The following BEND7 variants were observed in gnomAD, a reference collection of about 807,000 sequenced individuals.
BEND7 encodes the protein BEN domain containing 7, also known as BEN domain-containing protein 7.
In BEND7, 28 loss-of-function variants were observed where a neutral mutation model predicts 50.9. That is an observed-to-expected ratio of 0.55 (90% CI 0.41 to 0.75). The LOEUF (loss-of-function observed/expected upper bound fraction) is 0.75. Ranked by LOEUF, BEND7 falls within the 30% of genes least tolerant of loss-of-function variation. The pLI is 0.00. For synonymous variants in BEND7, 170 were observed against 183.9 expected, an observed-to-expected ratio of 0.92 and a Z score of 0.61; for missense variants, 477 against 491.3, an observed-to-expected ratio of 0.97 and a Z score of 0.28.
At chr10:13,492,931 C>T in intron 4 of BEND7, 55 bp from the exon 5 acceptor site, 1 of 1,562,656 alleles carries the variant, frequency 6.4e-7, no homozygotes, top group Non-Finnish European at 8.6e-7. Context: ...CTTAGGAAAA[C>T]TTATCTCCGG....
In BEND7 at chr10:13,528,567, G is replaced by A; in HGVS notation, c.-34C>T. 1 of 682,110 alleles carries A rather than the reference G, an allele frequency of 1.5e-6. No homozygotes were observed. The highest frequency in any genetic ancestry group is 1.7e-6 in the Non-Finnish European group (1 of 601,432). 42.3% of individuals were successfully genotyped at this position (682,110 alleles called of 1,614,324 possible). On this transcript the variant is annotated 5_prime_UTR_variant, in exon 1 of 9. Coordinates refer to ENST00000466271, the MANE Select transcript of BEND7 (RefSeq NM_001369863.1). ...GAAGGCGGCGGCGGGGGCTGAGGAG[G>A]CGGCGGCAGCGGCGGCAGCGGCAGC...
At chr10:13,454,040 C>A (rs1838375293) in intron 6 of BEND7, among the ~76,000 whole-genome samples, 1 of 152,166 alleles carries the variant, frequency 6.6e-6, no homozygotes, top group African/African-American at 2.4e-5. Flanking sequence ...TTTCAAGGAG[C>A]CCAGAGAGCA....
chr10:13,475,425 A>AT (rs2075349711), intron 6 of BEND7, among the ~76,000 whole-genome samples: 1 of 152,222 alleles, frequency 6.6e-6, no homozygotes, highest in Admixed American at 6.5e-5. Flanking sequence ...AACACAAGCT[A>AT]TATCAAGTGT....
intron 6 of BEND7, among the ~76,000 whole-genome samples, chr10:13,464,014 T>G (rs1162654501): frequency 3.3e-5 from 5 of 152,234 alleles, no homozygotes; most frequent in Non-Finnish European, 5.9e-5. Flanking sequence ...AAAATTAAAA[T>G]CTGGTAACAA....
chr10:13,485,155 T>C (rs1376376063), intron 5 of BEND7, among the ~76,000 whole-genome samples: 1 of 152,100 alleles, frequency 6.6e-6, no homozygotes, highest in Non-Finnish European at 1.5e-5. Context: ...CTCCCCTGTA[T>C]AATCGAAAGA....
intron 2 of BEND7, among the ~76,000 whole-genome samples, chr10:13,521,284 C>G (rs2079062185): frequency 6.6e-6 from 1 of 152,158 alleles, no homozygotes; most frequent in African/African-American, 2.4e-5. Context: ...TGGCTTGCAT[C>G]CTGGCTCTGG....
At chr10:13,455,614 T>C (rs1243903563) in intron 6 of BEND7, among the ~76,000 whole-genome samples, 1 of 151,566 alleles carries the variant, frequency 6.6e-6, no homozygotes, top group Non-Finnish European at 1.5e-5. Context: ...GAGAACAGGA[T>C]ACAGGGAGAA....
At chr10:13,447,536 C>CTT (rs11346528) in intron 7 of BEND7, among the ~76,000 whole-genome samples, 2,609 of 86,190 alleles carry the variant, frequency 0.03, 5 homozygotes, top group Middle Eastern at 0.04. Flanking sequence ...CGTATTAAAA[C>CTT]TTTTTTTTTT....
intron 6 of BEND7, among the ~76,000 whole-genome samples, chr10:13,465,675 C>G (rs1262812433): frequency 1.3e-5 from 2 of 152,120 alleles, no homozygotes; most frequent in African/African-American, 4.8e-5. Context: ...ATTATTTTAA[C>G]TGGAGACTTT....
rs150747868 is a variant in BEND7 at position 13,503,495 on chromosome 10, C to T, written c.146-3415G>A. 3.1e-3 allele frequency among the ~76,000 whole-genome samples: 466 copies of T among 152,232 alleles called. 5 individuals carry two copies. Among genetic ancestry groups the T allele is most frequent in the Middle Eastern group, 0.01 (3 of 294 alleles). Reference sequence around the variant, plus strand: ...TGGGAGGCTGACGTGGGTGGATCACCCGAGATCTGGAATTTGAGACCAGCC... The same window carrying T: ...TGGGAGGCTGACGTGGGTGGATCACTCGAGATCTGGAATTTGAGACCAGCC... On this transcript the variant is annotated intron_variant, in intron 2 of 8. Transcript: ENST00000466271.
At chr10:13,462,935 T>C (rs2073857170) in intron 6 of BEND7, among the ~76,000 whole-genome samples, 1 of 152,170 alleles carries the variant, frequency 6.6e-6, no homozygotes, top group African/African-American at 2.4e-5. Flanking sequence ...GAACAACAGG[T>C]TGATCAGACT....
intron 5 of BEND7, among the ~76,000 whole-genome samples, chr10:13,481,768 A>G (rs181051469): frequency 6.6e-6 from 1 of 152,346 alleles, no homozygotes; most frequent in East Asian, 1.9e-4. Flanking sequence ...TTTGGAAGGA[A>G]AATGTGAAAC....
rs914000263 is a variant in BEND7, at chr10:13,499,614, G to C, written c.448+164C>G. 57 of 797,164 alleles carry C rather than the reference G, an allele frequency of 7.2e-5. No homozygotes were observed. In the African/African-American group the frequency reaches 7.3e-4, roughly 10 times the overall value. 49.4% of individuals were successfully genotyped at this position (797,164 alleles called of 1,614,324 possible). On this transcript the variant is annotated intron_variant, in intron 3 of 8. Coordinates refer to ENST00000466271, the MANE Select transcript of BEND7 (RefSeq NM_001369863.1). ...TAATTCTCAATTCTGTTTTTTAATA[G>C]TCTTCAACTCTTTCCTTTGTGTCTC...
intron 6 of BEND7, among the ~76,000 whole-genome samples, chr10:13,472,046 C>T (rs888799475): frequency 1.3e-5 from 2 of 152,200 alleles, no homozygotes; most frequent in Admixed American, 6.5e-5. Flanking sequence ...CCCGTCATCA[C>T]TGTTAGACTC....
chr10:13,489,306 A>C (rs1035435579), intron 5 of BEND7, among the ~76,000 whole-genome samples: 5 of 152,190 alleles, frequency 3.3e-5, no homozygotes, highest in African/African-American at 1.2e-4. Context: ...GTAAAAAGAA[A>C]CAACTGCCAC....
intron 2 of BEND7, among the ~76,000 whole-genome samples, chr10:13,503,178 A>G (rs1165685896): frequency 6.6e-6 from 1 of 152,204 alleles, no homozygotes; most frequent in Admixed American, 6.5e-5. Context: ...GCAGGTGGCA[A>G]TGAGGGAGGA....
intron 2 of BEND7, among the ~76,000 whole-genome samples, chr10:13,516,340 C>A (rs908555932): frequency 6.6e-6 from 1 of 152,150 alleles, no homozygotes; most frequent in African/African-American, 2.4e-5. Context: ...CTGCGAGGCC[C>A]GGGGTGGCGC....
At chr10:13,507,057 T>C (rs1037384816) in intron 2 of BEND7, among the ~76,000 whole-genome samples, 1 of 151,966 alleles carries the variant, frequency 6.6e-6, no homozygotes, top group Non-Finnish European at 1.5e-5. Flanking sequence ...TATCCACGAG[T>C]AGGCTGGCCC....
At chr10:13,468,545 G>A (rs1190017274) in intron 6 of BEND7, among the ~76,000 whole-genome samples, 2 of 152,202 alleles carry the variant, frequency 1.3e-5, no homozygotes, top group Non-Finnish European at 2.9e-5. Context: ...GTAGGAAAAC[G>A]ATGTCACGAG....
Sources: allele counts gnomAD v4.1 joint callset (sites outside exome capture counted in the v4.1 genomes callset), GRCh38; gene constraint gnomAD v4.1.1; transcripts MANE v1.5; gene names NCBI Gene and HGNC (gene_info 2026-07-23, HGNC 2026-07-21).